ESRRB: variants seen among roughly 807,000 people sequenced by gnomAD.
ESRRB encodes steroid hormone receptor ERR2.
In ESRRB, 16 loss-of-function variants were observed where a neutral mutation model predicts 46.0. The ratio of observed to expected loss-of-function variants is 0.35; its 90% CI spans 0.24 to 0.53. ESRRB has a LOEUF of 0.53. Ranked by LOEUF, ESRRB falls within the 20% of genes least tolerant of loss-of-function variation. The pLI is 0.93. For missense variants in ESRRB, 488 were observed against 607.4 expected (o/e 0.80, Z 2.07); for synonymous variants, 246 against 259.6 (o/e 0.95, Z 0.50).
At position 76,420,558 on chromosome 14, in the gene ESRRB, A is replaced by AGTGTGTGTGT. The variant is rs61137774; in HGVS notation, c.51-18756_51-18747dup. On this transcript the variant is annotated intron_variant, in intron 1 of 6. Coordinates refer to ENST00000644823, the MANE Select transcript of ESRRB (RefSeq NM_001379180.1). ...AATAGGTCTTCTCCTACAGGGTGTG[A>AGTGTGTGTGT]GTGTGTGTGTGTGTGTGTGTGTGTG... Among the ~76,000 whole-genome samples the AGTGTGTGTGT allele has an allele frequency of 2.9e-3, 410 of 142,460 alleles. 2 individuals are homozygous for AGTGTGTGTGT. Among genetic ancestry groups the AGTGTGTGTGT allele is most frequent in the African/African-American group, 0.01 (389 of 37,876 alleles). The allele number at this position is 142,460 out of a possible 152,430, so 93.5% of individuals were successfully genotyped here. A position where few individuals can be genotyped will look rare whatever the true frequency, so the allele number is the denominator to read the frequency against.
Position 76,501,033 on chromosome 14 carries a change from G to A in ESRRB, c.*2575G>A, listed in dbSNP as rs1371091675. On this transcript the variant is annotated 3_prime_UTR_variant, in exon 7 of 7. Coordinates refer to ENST00000644823, the MANE Select transcript of ESRRB (RefSeq NM_001379180.1). ...TCCTGGCCAGATGAGGACCCTCTCC[G>A]GGGAAGGGAGAGGACTGACTTAGTG... 12 of 462,198 alleles carry A rather than the reference G, an allele frequency of 2.6e-5. No individual in the cohort carries two copies. The highest frequency in any genetic ancestry group is 1.2e-4 in the East Asian group (3 of 24,668). 28.6% of individuals were successfully genotyped at this position (462,198 alleles called of 1,614,324 possible).
intron 3 of ESRRB, among the ~76,000 whole-genome samples, chr14:76,480,955 T>C (rs10130414): frequency 0.079 from 12,072 of 152,222 alleles, 562 homozygotes; most frequent in Middle Eastern, 0.14. Flanking sequence ...GCCCATTTCA[T>C]GATCAGGAAA....
At chr14:76,432,768 C>T (rs1033577276) in intron 1 of ESRRB, among the ~76,000 whole-genome samples, 2 of 131,190 alleles carry the variant, frequency 1.5e-5, no homozygotes, top group Admixed American at 7.0e-5. Flanking sequence ...CTCCGCCTCC[C>T]GGGTTCAAGT....
At chr14:76,372,653 G>A (rs140641356), upstream of ESRRB, among the ~76,000 whole-genome samples, 49 of 152,158 alleles carry the variant, frequency 3.2e-4, no homozygotes, top group Admixed American at 4.6e-4. Flanking sequence ...GCAACATGGT[G>A]AAACTCCATC....
intron 1 of ESRRB, among the ~76,000 whole-genome samples, chr14:76,401,177 G>A (rs975717847): frequency 1.3e-5 from 2 of 152,238 alleles, no homozygotes; most frequent in East Asian, 1.9e-4. Flanking sequence ...CCTCGAAACA[G>A]ACTGGGAGTT....
At position 76,487,382 on chromosome 14, in the gene ESRRB, G is replaced by A. The variant is rs1456232914; in HGVS notation, c.851-4065G>A. 2.6e-5 allele frequency among the ~76,000 whole-genome samples: 4 copies of A among 152,110 alleles called. No homozygotes were observed. In the East Asian group the frequency reaches 7.7e-4, roughly 29 times the overall value. Reference sequence around the variant, plus strand: ...AGGAAGCTGATCTCTGTGCTCATACGATTACACCCTTTTTGCCCCCTTGGC... The same window carrying A: ...AGGAAGCTGATCTCTGTGCTCATACAATTACACCCTTTTTGCCCCCTTGGC... On this transcript the variant is annotated intron_variant, in intron 5 of 6. Transcript: ENST00000644823.
intron 6 of ESRRB, 22 bp downstream of exon 6, chr14:76,491,738 G>GGA: frequency 6.4e-7 from 1 of 1,558,862 alleles, no homozygotes; most frequent in Non-Finnish European, 8.7e-7. Context: ...GGCGGGGCCT[G>GGA]GAAGGGGAGC....
upstream of ESRRB, among the ~76,000 whole-genome samples, chr14:76,369,425 C>T (rs550253913): frequency 1.3e-5 from 2 of 151,618 alleles, no homozygotes; most frequent in Admixed American, 1.3e-4. Flanking sequence ...AGGCACACAC[C>T]ACAGTGTGTG....
chr14:76,342,300 C>A (rs1021509906), intron 1 of ESRRB, among the ~76,000 whole-genome samples: 3 of 152,064 alleles, frequency 2.0e-5, no homozygotes, highest in Non-Finnish European at 4.4e-5. Flanking sequence ...CTAAATCAGA[C>A]ACACCTTTCA....
intron 1 of ESRRB, among the ~76,000 whole-genome samples, chr14:76,313,499 A>G (rs1420668824): frequency 6.6e-6 from 1 of 152,080 alleles, no homozygotes; most frequent in Non-Finnish European, 1.5e-5. Context: ...AACACATAGG[A>G]ATCCAGTCCT....
chr14:76,365,646 T>C (rs999135526), intron 1 of ESRRB, among the ~76,000 whole-genome samples: 7 of 152,228 alleles, frequency 4.6e-5, no homozygotes, highest in African/African-American at 1.7e-4. Flanking sequence ...TGTGTGTGTG[T>C]CTGACTTTTT....
At chr14:76,349,512 G>A (rs1884289245) in intron 1 of ESRRB, among the ~76,000 whole-genome samples, 1 of 152,204 alleles carries the variant, frequency 6.6e-6, no homozygotes, top group African/African-American at 2.4e-5. Flanking sequence ...AGATGCTCAA[G>A]ATCTCCAGGG....
chr14:76,449,872 C>G (rs1240675390), intron 2 of ESRRB, among the ~76,000 whole-genome samples: 1 of 151,284 alleles, frequency 6.6e-6, no homozygotes, highest in African/African-American at 2.4e-5. Context: ...GCTTCTGCCT[C>G]AGCCTTCTGA....
chr14:76,435,973 C>T (rs567430470), intron 1 of ESRRB, among the ~76,000 whole-genome samples: 1 of 152,300 alleles, frequency 6.6e-6, no homozygotes, highest in South Asian at 2.1e-4. Context: ...TAACGGGCTT[C>T]CCGCACCAAC....
chr14:76,380,386 T>G (rs1884961059), intron 1 of ESRRB, among the ~76,000 whole-genome samples: 1 of 152,184 alleles, frequency 6.6e-6, no homozygotes, highest in African/African-American at 2.4e-5. Flanking sequence ...AGGATGCTTT[T>G]GGCCTGACTC....
intron 2 of ESRRB, 87 bp downstream of exon 2, chr14:76,439,837 A>T: frequency 6.9e-7 from 1 of 1,443,464 alleles, no homozygotes; most frequent in Non-Finnish European, 9.5e-7. Context: ...AGGAATTCCC[A>T]GAGACTGCCA....
In ESRRB at chr14:76,501,477, G is replaced by C. The variant is rs972005453; in HGVS notation, c.*3019G>C. 6.6e-6 allele frequency: 1 copy of C among 152,082 alleles called. No individual in the cohort carries two copies. The highest frequency in any genetic ancestry group is 6.6e-5 in the Admixed American group (1 of 15,260). 9.4% of individuals were successfully genotyped at this position (152,082 alleles called of 1,614,324 possible). On this transcript the variant is annotated 3_prime_UTR_variant, in exon 7 of 7. Transcript: ENST00000644823. The stretch of plus-strand genomic sequence containing the variant: ...GAACCTGCACCCACCTGTGTCGGTG[G>C]GGGGGGCCTCCTTTCCCCATAGACT...
At chr14:76,498,149 G>C (rs1890502816) in intron 6 of ESRRB, 65 bp from the exon 7 acceptor site, 1 of 1,605,878 alleles carries the variant, frequency 6.2e-7, no homozygotes, top group East Asian at 2.2e-5. Flanking sequence ...TGGACCCCAA[G>C]ATGGCCCCCA....
At chr14:76,421,983 C>G (rs1325476335) in intron 1 of ESRRB, among the ~76,000 whole-genome samples, 1 of 152,116 alleles carries the variant, frequency 6.6e-6, no homozygotes, top group Non-Finnish European at 1.5e-5. Flanking sequence ...ACATTTTGAT[C>G]GAGCCAGCAG....
Sources: allele counts gnomAD v4.1 joint callset (sites outside exome capture counted in the v4.1 genomes callset), GRCh38; gene constraint gnomAD v4.1.1; transcripts MANE v1.5; gene names NCBI Gene and HGNC (gene_info 2026-07-23, HGNC 2026-07-21).